PPP1R15A: variants seen among roughly 807,000 people sequenced by gnomAD.
PPP1R15A encodes the protein growth arrest and DNA damage-inducible protein GADD34.
Under a neutral mutation model 48.5 loss-of-function variants are expected in PPP1R15A, and 43 were observed. The ratio of observed to expected loss-of-function variants is 0.89; its 90% CI spans 0.69 to 1.14. The LOEUF (loss-of-function observed/expected upper bound fraction) is 1.14, where lower values mean the gene tolerates loss of function less well. Ranked by LOEUF, PPP1R15A falls within the 50% of genes most tolerant of loss-of-function variation. The pLI, the probability that PPP1R15A is intolerant of heterozygous loss-of-function variation, is 0.00. For synonymous variants in PPP1R15A, 327 were observed against 327.4 expected (o/e 1.00, Z 0.01); for missense variants, 868 against 847.2 (o/e 1.02, Z -0.30).
chr19:48,876,048 T>C lies in PPP1R15A; in HGVS notation c.*75T>C. 6.9e-7 allele frequency: 1 copy of C among 1,453,988 alleles called. No homozygotes were observed. The allele number at this position is 1,453,988 out of a possible 1,614,324, so 90.1% of individuals were successfully genotyped here. On this transcript the variant is annotated 3_prime_UTR_variant, in exon 3 of 3. Coordinates refer to ENST00000200453, the MANE Select transcript of PPP1R15A (RefSeq NM_014330.5). ...TGGGTTTATATAAGGAATAAAGCCT[T>C]TTGATTTGTAGCGAGCAGCGTCTGT... is the stretch of plus-strand genomic sequence containing the variant.
rs1188451859 is a variant in PPP1R15A at position 48,875,927 on chromosome 19, C to G, written c.1979C>G (p.Ser660Cys). The G allele has an allele frequency of 1.9e-6, 3 of 1,610,354 alleles. No individual in the cohort carries two copies. Among genetic ancestry groups the G allele is most frequent in the Non-Finnish European group, 1.7e-6 (2 of 1,177,330 alleles). ...SQAVATPSRS[S>C]AAAAAALDLS... ...GCTGTGGCCACACCTTCCCGCTCGT[C>G]TGCTGCTGCAGCGGCTGCCCTGGAC... Residue 660 changes from serine (S) to cysteine (C), a missense_variant, in exon 3 of 3, where the codon TCT becomes TGT. Transcript: ENST00000200453.
chr19:48,875,473 G>A lies in PPP1R15A; in HGVS notation c.1666-141G>A, dbSNP rs1599955706. 4 of 1,133,144 alleles carry A rather than the reference G, an allele frequency of 3.5e-6. No individual in the cohort carries two copies. In the East Asian group the frequency reaches 1.0e-4, roughly 29 times the overall value. 70.2% of individuals were successfully genotyped at this position (1,133,144 alleles called of 1,614,324 possible). ...GATAGAGAATCCCGTGACAGTGACAGGCAAGTGACTAGCCAGATAGAAAGC... is the reference window on the plus strand; with the variant it reads ...GATAGAGAATCCCGTGACAGTGACAAGCAAGTGACTAGCCAGATAGAAAGC... On this transcript the variant is annotated intron_variant, in intron 2 of 2. Coordinates refer to ENST00000200453, the MANE Select transcript of PPP1R15A (RefSeq NM_014330.5).
intron 2 of PPP1R15A, 188 bp from the exon 3 acceptor site, chr19:48,875,426 T>A: frequency 1.2e-6 from 1 of 800,960 alleles, no homozygotes; most frequent in Non-Finnish European, 1.8e-6. Context: ...GGAAACCACC[T>A]CTTCCTTCAG....
rs752942887 is a variant in PPP1R15A, at chr19:48,875,677, G to A, written c.1729G>A (p.Ala577Thr). The A allele has an allele frequency of 3.0e-5, 49 of 1,610,218 alleles. No individual in the cohort carries two copies. Among genetic ancestry groups the A allele is most frequent in the Non-Finnish European group, 3.5e-5 (41 of 1,178,900 alleles). The change falls in exon 3 of 3, where the codon GCC (alanine) becomes ACC (threonine). Residue 577 changes from alanine (A) to threonine (T), a missense_variant. By Grantham distance (58) the Ala-to-Thr change is moderately conservative. Coordinates refer to ENST00000200453, the MANE Select transcript of PPP1R15A (RefSeq NM_014330.5). ...TGTCTGGGCAGGGCCGGCCCAGGCC[G>A]CCCGCCAGGGCCCCTGGGAGCAGCT... ...LAVWAGPAQA[A>T]RQGPWEQLAR...
intron 2 of PPP1R15A, 123 bp downstream of exon 2, chr19:48,875,021 A>G (rs756028926): frequency 2.6e-5 from 31 of 1,200,274 alleles, no homozygotes; most frequent in Middle Eastern, 5.5e-4. Context: ...CTGCCGCCCA[A>G]GTTCAGGCGA....
In PPP1R15A at chr19:48,874,562, GGAA is replaced by G. The variant is rs745716495; in HGVS notation, c.1332_1334del (p.Glu444del). ...GGCCAGGAGAGGACACGGAGGAGGA[GGAA>G]GATGAGGATGTGGATAGTGAGGATA... On this transcript the variant is annotated inframe_deletion, in exon 2 of 3. Coordinates refer to ENST00000200453, the MANE Select transcript of PPP1R15A (RefSeq NM_014330.5). 5.6e-6 allele frequency: 9 copies of G among 1,614,062 alleles called. No individual in the cohort carries two copies. Among genetic ancestry groups the G allele is most frequent in the Non-Finnish European group, 6.8e-6 (8 of 1,180,036 alleles).
rs2037059954 is a variant in PPP1R15A at position 48,874,807 on chromosome 19, C to T, written c.1574C>T (p.Pro525Leu). ...AAGCCACCGCCTCCCTGGGCTCCTCCTAGGCTGCCCCTCCGACTGCAAAGG... is the reference window on the plus strand; with the variant it reads ...AAGCCACCGCCTCCCTGGGCTCCTCTTAGGCTGCCCCTCCGACTGCAAAGG... ...GEKPPPPWAP[P>L]RLPLRLQRRL... Residue 525 changes from proline (P) to leucine (L), a missense_variant, in exon 2 of 3, where the codon CCT becomes CTT. Pro to Leu is a moderately conservative substitution (Grantham distance 98). Coordinates refer to ENST00000200453, the MANE Select transcript of PPP1R15A (RefSeq NM_014330.5). The T allele has an allele frequency of 1.2e-6, 2 of 1,613,604 alleles. No individual in the cohort carries two copies. Among genetic ancestry groups the T allele is most frequent in the East Asian group, 2.2e-5 (1 of 44,896 alleles).
rs1425204975 is a variant in PPP1R15A at position 48,873,463 on chromosome 19, G to A, written c.230G>A (p.Arg77Lys). ...PLAIPHTPWGRRPEEEAEDSG... is the reference protein window; with the variant it reads ...PLAIPHTPWGKRPEEEAEDSG... ...GCAATCCCCCATACCCCTTGGGGCA[G>A]ACGCCCTGAAGAGGAGGCTGAAGAC... Residue 77 changes from arginine (R) to lysine (K), a missense_variant, in exon 2 of 3, where the codon AGA becomes AAA. Arg to Lys is a conservative substitution (Grantham distance 26). Coordinates refer to ENST00000200453, the MANE Select transcript of PPP1R15A (RefSeq NM_014330.5). 2 of 1,613,766 alleles carry A rather than the reference G, an allele frequency of 1.2e-6. No individual in the cohort carries two copies. Among genetic ancestry groups the A allele is most frequent in the Non-Finnish European group, 1.7e-6 (2 of 1,179,872 alleles).
In PPP1R15A at chr19:48,875,626, G is replaced by C. The variant is rs368302218; in HGVS notation, c.1678G>C (p.Glu560Gln). ...TGTCTGCCCGCAGGTGCGCTTCTCCGAGAAGGTCACTGTCCATTTCCTGGC... is the reference window on the plus strand; with the variant it reads ...TGTCTGCCCGCAGGTGCGCTTCTCCCAGAAGGTCACTGTCCATTTCCTGGC... The part of the protein sequence containing the change: ...PLKARKVRFS[E>Q]KVTVHFLAVW... Residue 560 changes from glutamate to glutamine, a missense_variant, in exon 3 of 3, where the codon GAG (glutamate) becomes CAG (glutamine). Transcript: ENST00000200453. The C allele has an allele frequency of 7.5e-6, 12 of 1,594,102 alleles. No individual in the cohort carries two copies. The highest frequency in any genetic ancestry group is 1.0e-5 in the Non-Finnish European group (12 of 1,168,802).
In PPP1R15A at chr19:48,873,190, C is replaced by T. The variant is rs533628681; in HGVS notation, c.-9-35C>T. 4.8e-6 allele frequency: 7 copies of T among 1,445,426 alleles called. No individual in the cohort carries two copies. The South Asian group carries it at 7.7e-5, about 16-fold the overall frequency. The allele number at this position is 1,445,426 out of a possible 1,614,324, so 89.5% of individuals were successfully genotyped here. A position where few individuals can be genotyped will look rare whatever the true frequency, so the allele number is the denominator to read the frequency against. ...CGCCCGGATGCCATCCTCTAAATGGCCCCTAAACTTTATTTTTTTCTCCCC... is the reference window on the plus strand; with the variant it reads ...CGCCCGGATGCCATCCTCTAAATGGTCCCTAAACTTTATTTTTTTCTCCCC... On this transcript the variant is annotated intron_variant, in intron 1 of 2. Coordinates refer to ENST00000200453, the MANE Select transcript of PPP1R15A (RefSeq NM_014330.5).
At position 48,874,034 on chromosome 19, in the gene PPP1R15A, G is replaced by A. The variant is rs147982816; in HGVS notation, c.801G>A (p.Ala267=). 1.5e-5 allele frequency: 24 copies of A among 1,614,036 alleles called. No homozygotes were observed. The highest frequency in any genetic ancestry group is 1.1e-4 in the African/African-American group (8 of 74,894). The change falls in exon 2 of 3, where the codon GCG becomes GCA. Residue 267 remains alanine, a synonymous_variant. Coordinates refer to ENST00000200453, the MANE Select transcript of PPP1R15A (RefSeq NM_014330.5). The part of the protein sequence containing the change: ...PRSWEYRSGE[A]SEEKEEKAHK... ...CCTGGGAGTATCGTTCAGGAGAGGC[G>A]TCCGAGGAGAAGGAGGAAAAGGCAC...
At position 48,874,009 on chromosome 19, in the gene PPP1R15A, C is replaced by T. The variant is rs2037044684; in HGVS notation, c.776C>T (p.Ser259Phe). 5 of 1,614,050 alleles carry T rather than the reference C, an allele frequency of 3.1e-6. No homozygotes were observed. Among genetic ancestry groups the T allele is most frequent in the South Asian group, 1.1e-5 (1 of 91,090 alleles). Residue 259 changes from serine (S) to phenylalanine (F), a missense_variant, in exon 2 of 3, where the codon TCC becomes TTC. Physicochemically the swap from Ser to Phe is radical, Grantham distance 155 (BLOSUM62 -2). Transcript: ENST00000200453. ...CGATCTTCAGGCTCCGACCCCAGGTCCTGGGAGTATCGTTCAGGAGAGGCG... is the reference window on the plus strand; with the variant it reads ...CGATCTTCAGGCTCCGACCCCAGGTTCTGGGAGTATCGTTCAGGAGAGGCG... ...SPRSSGSDPR[S>F]WEYRSGEASE...
rs1392485938 is a variant in PPP1R15A at position 48,875,026 on chromosome 19, A to G, written c.1665+128A>G. ...CTGCCAACCTCTGCCGCCCAAGTTC[A>G]GGCGATTCTCGTGCCTCAGCCTCCA... is the stretch of plus-strand genomic sequence containing the variant. On this transcript the variant is annotated intron_variant, in intron 2 of 2. Coordinates refer to ENST00000200453, the MANE Select transcript of PPP1R15A (RefSeq NM_014330.5). 3.4e-6 allele frequency: 4 copies of G among 1,176,624 alleles called. No homozygotes were observed. The African/African-American group carries it at 4.7e-5, about 14-fold the overall frequency. The allele number at this position is 1,176,624 out of a possible 1,614,324, so 72.9% of individuals were successfully genotyped here.
rs201219958 is a variant in PPP1R15A at position 48,875,609 on chromosome 19, C to T, written c.1666-5C>T. 1.0e-4 allele frequency: 165 copies of T among 1,584,330 alleles called. 1 individual carries two copies. The African/African-American group carries it at 1.6e-3, about 15-fold the overall frequency. ...TCCTGCCTGTGTCCCCATGTCTGCC[C>T]GCAGGTGCGCTTCTCCGAGAAGGTC... On this transcript the variant is annotated splice_region_variant and splice_polypyrimidine_tract_variant and intron_variant, in intron 2 of 2. Transcript: ENST00000200453.
Position 48,874,530 on chromosome 19 carries a change from G to C in PPP1R15A, c.1297G>C (p.Val433Leu), listed in dbSNP as rs2037054417. The C allele has an allele frequency of 6.2e-7, 1 of 1,613,994 alleles. No individual in the cohort carries two copies. Among genetic ancestry groups the C allele is most frequent in the South Asian group, 1.1e-5 (1 of 91,088 alleles). Residue 433 changes from valine to leucine, a missense_variant, in exon 2 of 3, where the codon GTG becomes CTG. Physicochemically the swap from Val to Leu is conservative, Grantham distance 32. Coordinates refer to ENST00000200453, the MANE Select transcript of PPP1R15A (RefSeq NM_014330.5). ...PPASAFLKAWVYRPGEDTEEE... is the reference protein window; with the variant it reads ...PPASAFLKAWLYRPGEDTEEE... ...TGCAAGTGCTTTCTTGAAGGCCTGGGTGTATCGGCCAGGAGAGGACACGGA... is the reference window on the plus strand; with the variant it reads ...TGCAAGTGCTTTCTTGAAGGCCTGGCTGTATCGGCCAGGAGAGGACACGGA...
chr19:48,875,456 A>C, intron 2 of PPP1R15A, 158 bp from the exon 3 acceptor site: 2 of 993,176 alleles, frequency 2.0e-6, no homozygotes, highest in Non-Finnish European at 2.9e-6. Flanking sequence ...TAGATAGAGA[A>C]TCCCGTGACA....
Position 48,875,931 on chromosome 19 carries a change from TGCTGCA to T in PPP1R15A, c.1986_1991del (p.Ala665_Ala666del). 1 of 1,608,906 alleles carries T rather than the reference TGCTGCA, an allele frequency of 6.2e-7. No homozygotes were observed. Among genetic ancestry groups the T allele is most frequent in the Non-Finnish European group, 8.5e-7 (1 of 1,176,038 alleles). ...TGGCCACACCTTCCCGCTCGTCTGC[TGCTGCA>T]GCGGCTGCCCTGGACCTCAGTGGGA... On this transcript the variant is annotated inframe_deletion, in exon 3 of 3. Coordinates refer to ENST00000200453, the MANE Select transcript of PPP1R15A (RefSeq NM_014330.5).
Position 48,873,590 on chromosome 19 carries a change from T to C in PPP1R15A, c.357T>C (p.Gly119=). ...TGGATGATGATGATGGCATGTATGG[T>C]GAGCGAGAGGCAACCAGTGTCCCTA... is the stretch of plus-strand genomic sequence containing the variant. ...GLLDDDDGMY[G]EREATSVPRG... is the part of the protein sequence containing the mutation. The change falls in exon 2 of 3, where the codon GGT becomes GGC. Residue 119 remains glycine, a synonymous_variant. Coordinates refer to ENST00000200453, the MANE Select transcript of PPP1R15A (RefSeq NM_014330.5). 2 of 1,614,118 alleles carry C rather than the reference T, an allele frequency of 1.2e-6. No homozygotes were observed. Among genetic ancestry groups the C allele is most frequent in the Non-Finnish European group, 1.7e-6 (2 of 1,180,020 alleles).
At position 48,875,594 on chromosome 19, in the gene PPP1R15A, G is replaced by C; in HGVS notation, c.1666-20G>C. On this transcript the variant is annotated intron_variant, in intron 2 of 2. Coordinates refer to ENST00000200453, the MANE Select transcript of PPP1R15A (RefSeq NM_014330.5). Reference sequence around the variant, plus strand: ...GTGGCTGTGTGCATCTCCTGCCTGTGTCCCCATGTCTGCCCGCAGGTGCGC... The same window carrying C: ...GTGGCTGTGTGCATCTCCTGCCTGTCTCCCCATGTCTGCCCGCAGGTGCGC... 1 of 1,569,684 alleles carries C rather than the reference G, an allele frequency of 6.4e-7. No individual in the cohort carries two copies.
Sources: gnomAD v4.1 joint callset for allele counts on GRCh38, gnomAD v4.1.1 for gene constraint, MANE v1.5 for transcripts, NCBI Gene and HGNC (gene_info 2026-07-23, HGNC 2026-07-21) for gene names.